Variants in CTNNA3 observed in about 807,000 individuals in gnomAD.
CTNNA3 encodes the protein catenin alpha-3.
CTNNA3 carries 76 observed loss-of-function variants against 95.7 expected under a neutral mutation model. The observed-to-expected ratio is 0.79, with a 90% CI of 0.66 to 0.96. CTNNA3 has a LOEUF of 0.96. CTNNA3 is among the 40% of genes least tolerant of loss of function. The pLI, the probability that CTNNA3 is intolerant of heterozygous loss-of-function variation, is 0.00. For synonymous variants in CTNNA3, 431 were observed against 374.4 expected (o/e 1.15, Z -1.74); for missense variants, 1,191 against 1,089.8 (o/e 1.09, Z -1.31).
At chr10:66,534,113 C>T (rs193006334) in intron 10 of CTNNA3, among the ~76,000 whole-genome samples, 5 of 152,190 alleles carry the variant, frequency 3.3e-5, no homozygotes, top group African/African-American at 4.8e-5. Context: ...TAGTGAGTCT[C>T]GAGTTAGCAA....
At position 67,106,311 on chromosome 10, in the gene CTNNA3, C is replaced by T. The variant is rs137861262; in HGVS notation, c.1047+74006G>A. ...AGTTTTCAGATAACTGCATGCTTTT[C>T]TGCCACTGAGAATATAAATACTATT... On this transcript the variant is annotated intron_variant, in intron 7 of 17. Transcript: ENST00000433211. Among the ~76,000 whole-genome samples, 416 of 152,310 alleles carry T rather than the reference C, an allele frequency of 2.7e-3. 1 individual carries two copies. The highest frequency in any genetic ancestry group is 3.7e-3 in the Non-Finnish European group (251 of 68,034).
chr10:67,641,872 C>T (rs373647519), intron 2 of CTNNA3, among the ~76,000 whole-genome samples: 17 of 152,014 alleles, frequency 1.1e-4, no homozygotes, highest in South Asian at 2.1e-4. Context: ...TAGCCGGGAG[C>T]GGGGAGTGAT....
intron 11 of CTNNA3, among the ~76,000 whole-genome samples, chr10:66,416,026 G>A (rs545362262): frequency 6.2e-4 from 95 of 152,172 alleles, no homozygotes; most frequent in Non-Finnish European, 1.3e-3. Context: ...ATTTCAGTGA[G>A]ATATAAGAGA....
chr10:66,172,597 G>A (rs924508409), intron 13 of CTNNA3, among the ~76,000 whole-genome samples: 2 of 151,820 alleles, frequency 1.3e-5, no homozygotes, highest in Non-Finnish European at 2.9e-5. Context: ...AAAATTTCCA[G>A]GTAATTTTTC....
intron 15 of CTNNA3, among the ~76,000 whole-genome samples, chr10:66,019,964 G>T (rs2079169941): frequency 6.6e-6 from 1 of 152,050 alleles, no homozygotes; most frequent in African/African-American, 2.4e-5. Flanking sequence ...TACCTCAGAG[G>T]AATTACAATG....
At chr10:66,662,430 T>G (rs938592389) in intron 9 of CTNNA3, among the ~76,000 whole-genome samples, 7 of 152,172 alleles carry the variant, frequency 4.6e-5, no homozygotes, top group South Asian at 4.1e-4. Context: ...CTCCTAACTT[T>G]TCTTCACCTC....
chr10:67,390,337 C>A (rs1844409427), intron 5 of CTNNA3, among the ~76,000 whole-genome samples: 1 of 152,224 alleles, frequency 6.6e-6, no homozygotes, highest in African/African-American at 2.4e-5. Context: ...CACATACACT[C>A]TCCCAAGACT....
chr10:66,541,463 A>C (rs966847663), intron 10 of CTNNA3, among the ~76,000 whole-genome samples: 4 of 152,102 alleles, frequency 2.6e-5, no homozygotes, highest in Non-Finnish European at 4.4e-5. Flanking sequence ...CTACTTCCAT[A>C]TATGATTAAA....
chr10:65,982,560 T>A (rs1333831123), intron 16 of CTNNA3, among the ~76,000 whole-genome samples: 2 of 151,362 alleles, frequency 1.3e-5, no homozygotes, highest in Non-Finnish European at 3.0e-5. Context: ...CACACGTTTA[T>A]AGCAGCACAA....
At position 67,704,126 on chromosome 10, in the gene CTNNA3, AG is replaced by A. The variant is rs771696381; in HGVS notation, c.-1-56613del. On this transcript the variant is annotated intron_variant, in intron 1 of 17. Coordinates refer to the CTNNA3 transcript ENST00000684154. The stretch of plus-strand genomic sequence containing the variant: ...AAACTACTGCTCAATGAAATAAAAG[AG>A]GATACAAACAAATGGAAGAACATTC... 3.7e-4 allele frequency among the ~76,000 whole-genome samples: 56 copies of A among 152,364 alleles called. 1 individual carries two copies. The highest frequency in any genetic ancestry group is 1.2e-3 in the Admixed American group (19 of 15,312).
At chr10:66,714,630 T>C (rs1433742182) in intron 9 of CTNNA3, among the ~76,000 whole-genome samples, 11 of 152,136 alleles carry the variant, frequency 7.2e-5, no homozygotes, top group Admixed American at 6.6e-4. Context: ...TAAAGTATGG[T>C]TCCCGTATCA....
At position 67,525,328 on chromosome 10, in the gene CTNNA3, G is replaced by A. The variant is rs61008836; in HGVS notation, c.460-3367C>T. Among the ~76,000 whole-genome samples the A allele has an allele frequency of 2.4e-3, 368 of 152,086 alleles. 1 individual carries two copies. The highest frequency in any genetic ancestry group is 8.5e-3 in the African/African-American group (354 of 41,474). On this transcript the variant is annotated intron_variant, in intron 4 of 17. Coordinates refer to ENST00000433211, the MANE Select transcript of CTNNA3 (RefSeq NM_013266.4). The stretch of plus-strand genomic sequence containing the variant: ...TAAGCACTGTCAACACTCCCAGAGT[G>A]TGTTTTCTCATCAAATTATTTCTGC...
At chr10:67,137,664 A>G (rs1860361992) in intron 7 of CTNNA3, among the ~76,000 whole-genome samples, 1 of 152,214 alleles carries the variant, frequency 6.6e-6, no homozygotes, top group Admixed American at 6.5e-5. Flanking sequence ...TTCCTTTGTC[A>G]TAGCCACTGA....
chr10:66,872,510 A>T (rs188248250), intron 7 of CTNNA3, among the ~76,000 whole-genome samples: 1 of 152,070 alleles, frequency 6.6e-6, no homozygotes, highest in African/African-American at 2.4e-5. Context: ...CTCTACTAAA[A>T]ATACAAAAAT....
chr10:66,819,155 T>C (rs1036650013), intron 7 of CTNNA3, among the ~76,000 whole-genome samples: 4 of 131,878 alleles, frequency 3.0e-5, no homozygotes, highest in East Asian at 5.0e-4. Flanking sequence ...AATAGATCAA[T>C]AGAATAGACT....
intron 17 of CTNNA3, among the ~76,000 whole-genome samples, chr10:65,950,971 T>C (rs2077600653): frequency 6.6e-6 from 1 of 152,176 alleles, no homozygotes; most frequent in Non-Finnish European, 1.5e-5. Context: ...AACAGATCAC[T>C]GCCATTTGTG....
At chr10:67,225,724 C>T (rs570633050) in intron 5 of CTNNA3, among the ~76,000 whole-genome samples, 1 of 152,238 alleles carries the variant, frequency 6.6e-6, no homozygotes, top group Non-Finnish European at 1.5e-5. Flanking sequence ...ATCTGAAAAA[C>T]AGCCTTCAGC....
At chr10:67,331,757 GATA>G (rs932260191) in intron 5 of CTNNA3, among the ~76,000 whole-genome samples, 1 of 152,142 alleles carries the variant, frequency 6.6e-6, no homozygotes, top group African/African-American at 2.4e-5. Flanking sequence ...GAGTAAGAAA[GATA>G]ATATTTTTAG....
intron 5 of CTNNA3, among the ~76,000 whole-genome samples, chr10:67,253,143 G>A (rs1022783493): frequency 1.3e-5 from 2 of 152,064 alleles, no homozygotes; most frequent in Admixed American, 1.3e-4. Context: ...GCAAAATAAG[G>A]ATTACTTACA....
Sources: gnomAD v4.1 joint callset for allele counts (sites outside exome capture counted in the v4.1 genomes callset) on GRCh38, gnomAD v4.1.1 for gene constraint, MANE v1.5 for transcripts, NCBI Gene and HGNC (gene_info 2026-07-23, HGNC 2026-07-21) for gene names.